Variants in RTL9 observed in about 807,000 individuals in gnomAD.
The protein encoded by RTL9 is retrotransposon Gag like 9, also known as retrotransposon Gag-like protein 9.
RTL9 carries 19 observed loss-of-function variants against 44.7 expected under a neutral mutation model. That is an observed-to-expected ratio of 0.42 (90% CI 0.30 to 0.62). RTL9 has a LOEUF of 0.62. Among genes scored for constraint, RTL9 ranks in the 20% least tolerant of loss-of-function variants. RTL9 has a pLI of 0.16. For missense variants in RTL9, 1,105 were observed against 1,080.6 expected (o/e 1.02, Z -0.32); for synonymous variants, 407 against 398.9 (o/e 1.02, Z -0.24).
intron 1 of RTL9, 62 bp from the exon 4 acceptor site, chrX:110,455,140 C>G: frequency 2.5e-6 from 3 of 1,191,974 alleles, no homozygotes; most frequent in Non-Finnish European, 3.4e-6. Context: ...CTTATCCAGG[C>G]AGAACACCCG....
At chrX:110,383,550 T>A (rs894292578) in intron 1 of RTL9, among the ~76,000 whole-genome samples, 2 of 111,243 alleles carry the variant, frequency 1.8e-5, no homozygotes, top group African/African-American at 6.5e-5. Flanking sequence ...CCCTTCACAA[T>A]CCTGACATAC....
intron 1 of RTL9, among the ~76,000 whole-genome samples, chrX:110,410,497 C>G (rs1304437843): frequency 8.9e-6 from 1 of 111,948 alleles, no homozygotes; most frequent in African/African-American, 3.3e-5. Flanking sequence ...TCTTTGAACA[C>G]TTTGACCGAA....
rs745621644 is a variant in RTL9, at chrX:110,369,570, C to T, written c.-168+10654C>T. Reference sequence around the variant, plus strand: ...TTTAGAAACAGAAGTTAGATGATGTCGCTCCTCTGCTAACATCAGCCTGGG... The same window carrying T: ...TTTAGAAACAGAAGTTAGATGATGTTGCTCCTCTGCTAACATCAGCCTGGG... On this transcript the variant is annotated intron_variant, in intron 1 of 2. Transcript: ENST00000520821. Among the ~76,000 whole-genome samples the T allele has an allele frequency of 1.0e-3, 112 of 110,606 alleles. 4 individuals carry two copies. The highest frequency in any genetic ancestry group is 4.6e-3 in the Middle Eastern group (1 of 216).
At chrX:110,385,984 T>C (rs1438711271) in intron 1 of RTL9, among the ~76,000 whole-genome samples, 1 of 112,624 alleles carries the variant, frequency 8.9e-6, no homozygotes, top group South Asian at 3.7e-4. Context: ...GGCTGAATAA[T>C]AGTTCATTAT....
chrX:110,441,150 C>T (rs1028109076), intron 1 of RTL9, among the ~76,000 whole-genome samples: 2 of 112,216 alleles, frequency 1.8e-5, no homozygotes, highest in African/African-American at 6.5e-5. Flanking sequence ...GGGCAAGTCA[C>T]TTCTCTTCTC....
intron 1 of RTL9, among the ~76,000 whole-genome samples, chrX:110,387,572 C>A (rs192983152): frequency 9.0e-6 from 1 of 111,343 alleles, no homozygotes; most frequent in African/African-American, 3.3e-5. Flanking sequence ...GTTTCTATTC[C>A]CTGACTTTGG....
At chrX:110,380,122 C>T (rs1443080689) in intron 1 of RTL9, among the ~76,000 whole-genome samples, 1 of 111,136 alleles carries the variant, frequency 9.0e-6, no homozygotes, top group Non-Finnish European at 1.9e-5. Context: ...GGGAATGGGG[C>T]AGGGTGAGAA....
At chrX:110,382,234 T>A (rs1423352148) in intron 1 of RTL9, among the ~76,000 whole-genome samples, 1 of 110,153 alleles carries the variant, frequency 9.1e-6, no homozygotes, top group Non-Finnish European at 1.9e-5. Context: ...AAACACAAGA[T>A]AATTATATAC....
chrX:110,420,836 G>A (rs1208907238), intron 1 of RTL9, among the ~76,000 whole-genome samples: 1 of 111,423 alleles, frequency 9.0e-6, no homozygotes, highest in African/African-American at 3.3e-5. Context: ...AATGGCAGGA[G>A]TTTTGGCTCG....
At chrX:110,413,294 C>T (rs147038328) in intron 1 of RTL9, among the ~76,000 whole-genome samples, 2,198 of 111,356 alleles carry the variant, frequency 0.02, 34 homozygotes, top group African/African-American at 0.053. Flanking sequence ...GTCTCCACGG[C>T]GGATCTCACG....
At chrX:110,372,857 A>C (rs2068349144) in intron 1 of RTL9, among the ~76,000 whole-genome samples, 2 of 111,788 alleles carry the variant, frequency 1.8e-5, no homozygotes, top group African/African-American at 6.5e-5. Context: ...TATATTCCTT[A>C]AAGGATGAGA....
chrX:110,386,999 G>C (rs1318394091), intron 1 of RTL9, among the ~76,000 whole-genome samples: 1 of 112,542 alleles, frequency 8.9e-6, no homozygotes, highest in Non-Finnish European at 1.9e-5. Flanking sequence ...GCATGGAAAA[G>C]AATTGCTATG....
chrX:110,445,506 G>A (rs766170712), intron 2 of RTL9, among the ~76,000 whole-genome samples: 1 of 111,278 alleles, frequency 9.0e-6, no homozygotes, highest in African/African-American at 3.3e-5. Context: ...AAGGAAGTGG[G>A]GAGGGCTTCT....
At chrX:110,418,705 G>A (rs754811244), upstream of RTL9, among the ~76,000 whole-genome samples, 3 of 111,642 alleles carry the variant, frequency 2.7e-5, no homozygotes, top group Non-Finnish European at 5.6e-5. Context: ...CAGAGACAGC[G>A]CATGGGAGCT....
chrX:110,385,004 C>G (rs2068445307), intron 1 of RTL9, among the ~76,000 whole-genome samples: 1 of 110,860 alleles, frequency 9.0e-6, no homozygotes, highest in African/African-American at 3.3e-5. Context: ...AAGCCTAAGA[C>G]TATCATAGTT....
chrX:110,415,722 C>G (rs1490009010), upstream of RTL9, among the ~76,000 whole-genome samples: 2 of 111,181 alleles, frequency 1.8e-5, no homozygotes, highest in African/African-American at 6.6e-5. Flanking sequence ...TCTTTTCTCC[C>G]AAAGCTGGGC....
intron 1 of RTL9, among the ~76,000 whole-genome samples, chrX:110,428,383 C>A (rs888320155): frequency 3.6e-5 from 4 of 111,991 alleles, no homozygotes; most frequent in Non-Finnish European, 7.5e-5. Context: ...GGGACAGAGC[C>A]TTGTACATTC....
intron 1 of RTL9, among the ~76,000 whole-genome samples, chrX:110,435,483 CTT>C (rs2068832282): frequency 8.9e-6 from 1 of 112,061 alleles, no homozygotes; most frequent in Non-Finnish European, 1.9e-5. Context: ...AGTCCTAACA[CTT>C]TAATTAGACC....
At chrX:110,455,245 G>C in exon 2 of RTL9, 3 of 1,209,377 alleles carry the variant, frequency 2.5e-6, no homozygotes, top group Non-Finnish European at 3.4e-6. Flanking sequence ...AAAGAGCATG[G>C]AGACCCCCAA....
Sources: gnomAD v4.1 joint callset for allele counts (sites outside exome capture counted in the v4.1 genomes callset) on GRCh38, gnomAD v4.1.1 for gene constraint, MANE v1.5 for transcripts, NCBI Gene and HGNC (gene_info 2026-07-23, HGNC 2026-07-21) for gene names.